Variants in LRRC4C observed in about 807,000 individuals in gnomAD.
The protein encoded by LRRC4C is leucine-rich repeat-containing protein 4C.
Under a neutral mutation model 33.6 loss-of-function variants are expected in LRRC4C, and 5 were observed. The observed-to-expected ratio is 0.15, with a 90% confidence interval of 0.08 to 0.31. The LOEUF (loss-of-function observed/expected upper bound fraction) is 0.31, where lower values mean the gene tolerates loss of function less well. Among genes scored for constraint, LRRC4C ranks in the 10% least tolerant of loss-of-function variants. The pLI is 1.00. For missense variants in LRRC4C, 560 were observed against 796.7 expected (o/e 0.70, Z 3.58); for synonymous variants, 329 against 302.0 (o/e 1.09, Z -0.93).
At chr11:41,368,708 A>G (rs774189581) in intron 1 of LRRC4C, among the ~76,000 whole-genome samples, 2 of 152,208 alleles carry the variant, frequency 1.3e-5, no homozygotes, top group Non-Finnish European at 2.9e-5. Flanking sequence ...AATGTGTTGT[A>G]TGGAGCAAAA....
chr11:40,637,874 A>G (rs1941848302), intron 3 of LRRC4C, among the ~76,000 whole-genome samples: 1 of 152,190 alleles, frequency 6.6e-6, no homozygotes, highest in Non-Finnish European at 1.5e-5. Context: ...AGTTCTTCCC[A>G]CCTCCAGGAC....
intron 1 of LRRC4C, among the ~76,000 whole-genome samples, chr11:40,996,839 A>G (rs1854012626): frequency 1.3e-5 from 2 of 152,138 alleles, no homozygotes; most frequent in Non-Finnish European, 2.9e-5. Context: ...TAATAGAGCA[A>G]TAACTCACTA....
chr11:40,131,033 T>G (rs1856612281), intron 6 of LRRC4C, among the ~76,000 whole-genome samples: 1 of 152,200 alleles, frequency 6.6e-6, no homozygotes, highest in Admixed American at 6.5e-5. Flanking sequence ...CACGTTTGCA[T>G]GTAAATGTTT....
chr11:41,029,661 A>T (rs549621160), intron 1 of LRRC4C, among the ~76,000 whole-genome samples: 1 of 151,966 alleles, frequency 6.6e-6, no homozygotes. Flanking sequence ...ATATTTATTA[A>T]GTATCTACTG....
intron 2 of LRRC4C, among the ~76,000 whole-genome samples, chr11:40,877,580 G>A (rs1954967522): frequency 6.6e-6 from 1 of 152,284 alleles, no homozygotes; most frequent in Middle Eastern, 3.4e-3. Context: ...CTTTGGAACA[G>A]CAGCCTCTCC....
At chr11:41,062,879 C>T (rs1364240362) in intron 1 of LRRC4C, among the ~76,000 whole-genome samples, 2 of 152,066 alleles carry the variant, frequency 1.3e-5, no homozygotes, top group Non-Finnish European at 2.9e-5. Context: ...AGATTGGAAT[C>T]ATGCTGCCAG....
intron 1 of LRRC4C, among the ~76,000 whole-genome samples, chr11:41,454,646 T>C (rs1956123833): frequency 6.6e-6 from 1 of 152,138 alleles, no homozygotes; most frequent in South Asian, 2.1e-4. Context: ...TTGAAAGTTC[T>C]GAGTATAAGT....
At chr11:40,950,193 A>C (rs1958631953) in intron 1 of LRRC4C, among the ~76,000 whole-genome samples, 1 of 151,938 alleles carries the variant, frequency 6.6e-6, no homozygotes, top group South Asian at 2.1e-4. Context: ...TAACCCCTAC[A>C]TCCTTCCAAG....
intron 1 of LRRC4C, among the ~76,000 whole-genome samples, chr11:41,186,208 A>T (rs1945687902): frequency 6.6e-6 from 1 of 152,200 alleles, no homozygotes; most frequent in African/African-American, 2.4e-5. Flanking sequence ...ATTCAGTAAA[A>T]TCAGTAAATG....
At chr11:40,204,117 C>T (rs1022663008) in intron 5 of LRRC4C, among the ~76,000 whole-genome samples, 2 of 151,972 alleles carry the variant, frequency 1.3e-5, no homozygotes, top group East Asian at 2.0e-4. Context: ...TGGTGGGGGG[C>T]GGTCTCACCA....
At chr11:40,949,516 T>C (rs1220785634) in intron 1 of LRRC4C, among the ~76,000 whole-genome samples, 1 of 152,006 alleles carries the variant, frequency 6.6e-6, no homozygotes, top group African/African-American at 2.4e-5. Flanking sequence ...ACAGCGGATC[T>C]CTCGGCAGAA....
At chr11:41,040,137 CAAAA>C (rs5791415) in intron 1 of LRRC4C, among the ~76,000 whole-genome samples, 13 of 96,308 alleles carry the variant, frequency 1.3e-4, no homozygotes, top group East Asian at 1.2e-3. Context: ...GACTCTGTCT[CAAAA>C]AAAAAAAAAA....
chr11:41,229,727 G>C (rs1162750761), intron 1 of LRRC4C, among the ~76,000 whole-genome samples: 1 of 151,978 alleles, frequency 6.6e-6, no homozygotes, highest in Non-Finnish European at 1.5e-5. Context: ...TTTCTTGCAG[G>C]TAGTACAGAT....
intron 3 of LRRC4C, among the ~76,000 whole-genome samples, chr11:40,456,825 G>T (rs974718674): frequency 2.1e-4 from 31 of 150,266 alleles, no homozygotes; most frequent in African/African-American, 7.3e-4. Flanking sequence ...GGAAGAAAAG[G>T]AAAGGAAAGG....
chr11:40,256,123 T>C (rs956365758), intron 4 of LRRC4C, among the ~76,000 whole-genome samples: 7 of 152,208 alleles, frequency 4.6e-5, no homozygotes, highest in African/African-American at 1.7e-4. Context: ...CAGAGCAACA[T>C]CTGCCAACTG....
At chr11:40,843,749 A>G (rs895464523) in intron 2 of LRRC4C, among the ~76,000 whole-genome samples, 2 of 152,148 alleles carry the variant, frequency 1.3e-5, no homozygotes, top group Non-Finnish European at 2.9e-5. Flanking sequence ...TATTTATCTC[A>G]CTTAAACATT....
rs190999785 is a variant in LRRC4C, at chr11:41,063,837, C to T, written c.-495-130114G>A. Among the ~76,000 whole-genome samples, 40 of 152,300 alleles carry T rather than the reference C, an allele frequency of 2.6e-4. No individual in the cohort carries two copies. In the East Asian group the frequency reaches 6.6e-3, roughly 25 times the overall value. ...CAGAGTTGCATTACAGAAGATTGTT[C>T]TGGCTGCCATGTAGAGAAAGTATCA... On this transcript the variant is annotated intron_variant, in intron 1 of 6. Transcript: ENST00000528697.
intron 1 of LRRC4C, among the ~76,000 whole-genome samples, chr11:40,978,885 G>A (rs889562640): frequency 1.3e-5 from 2 of 151,936 alleles, no homozygotes; most frequent in Non-Finnish European, 2.9e-5. Context: ...GCCCACCTCG[G>A]CCTCCCAAAA....
intron 3 of LRRC4C, among the ~76,000 whole-genome samples, chr11:40,383,228 A>G (rs1037067786): frequency 1.5e-5 from 2 of 129,928 alleles, no homozygotes; most frequent in Non-Finnish European, 1.8e-5. Flanking sequence ...GTTTGGTTGT[A>G]TATTTATATA....
Sources: gnomAD v4.1 joint callset for allele counts (sites outside exome capture counted in the v4.1 genomes callset) on GRCh38, gnomAD v4.1.1 for gene constraint, MANE v1.5 for transcripts, NCBI Gene and HGNC (gene_info 2026-07-23, HGNC 2026-07-21) for gene names.